The following SRBD1 variants were observed in gnomAD, a reference collection of about 807,000 sequenced individuals.
The protein encoded by SRBD1 is S1 RNA-binding domain-containing protein 1.
SRBD1 carries 88 observed loss-of-function variants against 115.3 expected under a neutral mutation model. That is an observed-to-expected ratio of 0.76 (90% confidence interval 0.64 to 0.91). The LOEUF (loss-of-function observed/expected upper bound fraction) is 0.91, where lower values mean the gene tolerates loss of function less well. Ranked by LOEUF, SRBD1 falls within the 40% of genes least tolerant of loss-of-function variation. SRBD1 has a pLI of 0.00. For synonymous variants in SRBD1, 509 were observed against 407.7 expected, an observed-to-expected ratio of 1.25 and a Z score of -2.99; for missense variants, 1,385 against 1,177.4, an observed-to-expected ratio of 1.18 and a Z score of -2.58.
chr2:45,580,588 T>C (rs911151807), intron 6 of SRBD1, among the ~76,000 whole-genome samples: 1 of 150,206 alleles, frequency 6.7e-6, no homozygotes, highest in Non-Finnish European at 1.5e-5. Context: ...CTTGATCTCT[T>C]GGTCTCGTGA....
intron 8 of SRBD1, among the ~76,000 whole-genome samples, chr2:45,574,408 T>C (rs1288426702): frequency 6.6e-6 from 1 of 152,122 alleles, no homozygotes; most frequent in Non-Finnish European, 1.5e-5. Flanking sequence ...GGAGGGTGAG[T>C]AGGCAGAGTT....
At chr2:45,551,559 A>G (rs1016344405) in intron 11 of SRBD1, among the ~76,000 whole-genome samples, 1 of 152,194 alleles carries the variant, frequency 6.6e-6, no homozygotes, top group African/African-American at 2.4e-5. Context: ...ATTTATAAAT[A>G]TGTGTATATG....
intron 16 of SRBD1, among the ~76,000 whole-genome samples, chr2:45,443,911 CT>C (rs1467466369): frequency 1.3e-5 from 2 of 151,704 alleles, no homozygotes; most frequent in African/African-American, 2.4e-5. Context: ...AGACCAGGCG[CT>C]TAATCTTTAA....
intron 16 of SRBD1, among the ~76,000 whole-genome samples, chr2:45,434,131 T>C (rs1054039549): frequency 1.3e-5 from 2 of 152,232 alleles, no homozygotes; most frequent in Non-Finnish European, 2.9e-5. Flanking sequence ...AAGCATCAGA[T>C]TTGCATGAAC....
At chr2:45,595,043 CT>C (rs1673851503) in intron 4 of SRBD1, among the ~76,000 whole-genome samples, 1 of 152,178 alleles carries the variant, frequency 6.6e-6, no homozygotes, top group Non-Finnish European at 1.5e-5. Flanking sequence ...ACCAACCCCC[CT>C]GCTTAATTCA....
At chr2:45,451,225 A>C (rs770454225) in intron 16 of SRBD1, among the ~76,000 whole-genome samples, 13 of 152,112 alleles carry the variant, frequency 8.5e-5, no homozygotes, top group Non-Finnish European at 1.8e-4. Context: ...TTGCACTTGA[A>C]TGGATTATGC....
intron 2 of SRBD1, among the ~76,000 whole-genome samples, chr2:45,603,680 C>T (rs1674171958): frequency 6.6e-6 from 1 of 152,068 alleles, no homozygotes; most frequent in South Asian, 2.1e-4. Flanking sequence ...TAGGCACGTG[C>T]CACCATGCCT....
chr2:45,516,655 C>T (rs1671127774), intron 14 of SRBD1, among the ~76,000 whole-genome samples: 1 of 152,018 alleles, frequency 6.6e-6, no homozygotes, highest in South Asian at 2.1e-4. Flanking sequence ...GATAGTTCCA[C>T]AAAAACAATA....
At chr2:45,524,029 A>G (rs1000624247) in intron 14 of SRBD1, among the ~76,000 whole-genome samples, 3 of 152,090 alleles carry the variant, frequency 2.0e-5, no homozygotes, top group African/African-American at 7.2e-5. Context: ...AGTACATACA[A>G]TCATGTCAAC....
intron 14 of SRBD1, among the ~76,000 whole-genome samples, chr2:45,504,298 C>T (rs766966751): frequency 4.6e-5 from 7 of 152,164 alleles, no homozygotes; most frequent in Non-Finnish European, 8.8e-5. Context: ...GATGTAGCTT[C>T]ATATCTGACC....
At chr2:45,608,592 C>T (rs1354275684) in intron 1 of SRBD1, among the ~76,000 whole-genome samples, 1 of 152,132 alleles carries the variant, frequency 6.6e-6, no homozygotes, top group Non-Finnish European at 1.5e-5. Flanking sequence ...ATGTCACCTA[C>T]TTATTAACAA....
chr2:45,462,415 C>T (rs185814197), intron 16 of SRBD1, among the ~76,000 whole-genome samples: 2 of 152,214 alleles, frequency 1.3e-5, no homozygotes, highest in East Asian at 3.9e-4. Context: ...GCATTCATAC[C>T]CTCTGGCCCC....
chr2:45,554,389 T>C (rs930444643), intron 10 of SRBD1, among the ~76,000 whole-genome samples: 5 of 152,214 alleles, frequency 3.3e-5, no homozygotes, highest in African/African-American at 9.7e-5. Flanking sequence ...TTTGTTATGT[T>C]AGTCCAAGTT....
At chr2:45,430,405 T>A (rs1238349414) in intron 16 of SRBD1, among the ~76,000 whole-genome samples, 1 of 152,156 alleles carries the variant, frequency 6.6e-6, no homozygotes, top group African/African-American at 2.4e-5. Context: ...ACTACAAGAC[T>A]ATAGTAACCA....
intron 16 of SRBD1, among the ~76,000 whole-genome samples, chr2:45,458,117 G>A (rs1015581130): frequency 3.3e-5 from 5 of 151,844 alleles, no homozygotes; most frequent in African/African-American, 4.8e-5. Flanking sequence ...AAACCAAGGA[G>A]AACTTGTGAT....
intron 14 of SRBD1, among the ~76,000 whole-genome samples, chr2:45,530,416 T>C (rs1572739969): frequency 6.6e-6 from 1 of 151,818 alleles, no homozygotes; most frequent in East Asian, 1.9e-4. Context: ...CCTCAGAATA[T>C]TTAAAAAAGA....
At chr2:45,548,333 A>C (rs1366163432) in intron 12 of SRBD1, among the ~76,000 whole-genome samples, 1 of 151,974 alleles carries the variant, frequency 6.6e-6, no homozygotes, top group Non-Finnish European at 1.5e-5. Flanking sequence ...TAGCAATACC[A>C]ATCAAGTAAA....
In SRBD1 at chr2:45,413,304, C is replaced by A; in HGVS notation, c.2334-11G>T. The A allele has an allele frequency of 1.3e-6, 2 of 1,598,160 alleles. No individual in the cohort carries two copies. Among genetic ancestry groups the A allele is most frequent in the South Asian group, 1.1e-5 (1 of 88,034 alleles). The stretch of plus-strand genomic sequence containing the variant: ...GTTTCAGTTTGCTGACTATATAAAA[C>A]CAGAAAAAACCACATTTATGAAAAG... On this transcript the variant is annotated splice_polypyrimidine_tract_variant and intron_variant, in intron 18 of 20. Transcript: ENST00000263736.
chr2:45,556,588 G>C (rs1056879741), intron 10 of SRBD1, among the ~76,000 whole-genome samples: 3 of 147,940 alleles, frequency 2.0e-5, no homozygotes, highest in African/African-American at 7.5e-5. Flanking sequence ...TCAGCCTCCC[G>C]AGTAGCTGGG....
Sources: gnomAD v4.1 joint callset for allele counts (sites outside exome capture counted in the v4.1 genomes callset) on GRCh38, gnomAD v4.1.1 for gene constraint, MANE v1.5 for transcripts, NCBI Gene and HGNC (gene_info 2026-07-23, HGNC 2026-07-21) for gene names.